The following RABL6 variants were observed in gnomAD, a reference collection of about 807,000 sequenced individuals.
RABL6 encodes rab-like protein 6.
RABL6 carries 28 observed loss-of-function variants against 72.9 expected under a neutral mutation model. The observed-to-expected ratio is 0.38, with a 90% confidence interval of 0.28 to 0.53. The LOEUF (loss-of-function observed/expected upper bound fraction) is 0.53. Ranked by LOEUF, RABL6 falls within the 20% of genes least tolerant of loss-of-function variation. The probability of loss-of-function intolerance (pLI) is 0.80; values close to 1 mark genes in which losing one functional copy is unlikely to be tolerated. For synonymous variants in RABL6, 477 were observed against 421.2 expected (o/e 1.13, Z -1.62); for missense variants, 1,029 against 1,008.4 (o/e 1.02, Z -0.28).
chr9:136,820,337 C>G lies in RABL6; in HGVS notation c.131-3188C>G, dbSNP rs146854408. Among the ~76,000 whole-genome samples, 126 of 152,184 alleles carry G rather than the reference C, an allele frequency of 8.3e-4. 1 individual carries two copies. The highest frequency in any genetic ancestry group is 2.9e-3 in the African/African-American group (120 of 41,530). On this transcript the variant is annotated intron_variant, in intron 1 of 14. Coordinates refer to ENST00000311502, the MANE Select transcript of RABL6 (RefSeq NM_024718.5). ...CTAGGATGGTGCCACTGTGCTGGCT[C>G]TAGCCTGGGTGACAGTGAGACCCTG...
rs1054324019 is a variant in RABL6 at position 136,826,012 on chromosome 9, G to A, written c.313+186G>A. On this transcript the variant is annotated intron_variant, in intron 3 of 14. Transcript: ENST00000311502. The surrounding 1 kb of genome is among the most constrained non-coding windows in gnomAD (Gnocchi z 4.9). ...CGCAGCGTGGCGCAGCCCCTCCTGT[G>A]GCACTGCATGCTTTGCTGCTTTAGC... Among the ~76,000 whole-genome samples, 1 of 152,212 alleles carries A rather than the reference G, an allele frequency of 6.6e-6. No homozygotes were observed. Among genetic ancestry groups the A allele is most frequent in the African/African-American group, 2.4e-5 (1 of 41,446 alleles).
At chr9:136,809,367 C>T in intron 1 of RABL6, 2 of 214,180 alleles carry the variant, frequency 9.3e-6, no homozygotes, top group Non-Finnish European at 1.1e-5. Flanking sequence ...CTTAGTCCCC[C>T]GGCCTGTGAG....
In RABL6 at chr9:136,834,263, A is replaced by T. The variant is rs1420300830; in HGVS notation, c.706-1479A>T. On this transcript the variant is annotated intron_variant, in intron 7 of 14. Transcript: ENST00000311502. ...ACCGTAGTACCTAATGTAATACCGC[A>T]TGTTAAACTCACAGAAGGTTTTTCT... is the stretch of plus-strand genomic sequence containing the variant. 3 of 1,094,670 alleles carry T rather than the reference A, an allele frequency of 2.7e-6. No homozygotes were observed. In the African/African-American group the frequency reaches 4.9e-5, roughly 18 times the overall value. The allele number at this position is 1,094,670 out of a possible 1,614,324, so 67.8% of individuals were successfully genotyped here.
chr9:136,835,856 G>A lies in RABL6; in HGVS notation c.809+11G>A, dbSNP rs546908415. On this transcript the variant is annotated intron_variant, in intron 8 of 14. Coordinates refer to ENST00000311502, the MANE Select transcript of RABL6 (RefSeq NM_024718.5). ...CCAGAACTACGGCATGTATGTGGCCGGACCCGCCCGTGCGGGCGGTGTGGG... is the reference window on the plus strand; with the variant it reads ...CCAGAACTACGGCATGTATGTGGCCAGACCCGCCCGTGCGGGCGGTGTGGG... 191 of 1,549,688 alleles carry A rather than the reference G, an allele frequency of 1.2e-4. 1 individual carries two copies. Among genetic ancestry groups the A allele is most frequent in the Non-Finnish European group, 1.5e-4 (170 of 1,147,342 alleles).
At position 136,826,835 on chromosome 9, in the gene RABL6, C is replaced by G. The variant is rs941975213; in HGVS notation, c.313+1009C>G. On this transcript the variant is annotated intron_variant, in intron 3 of 14. Coordinates refer to ENST00000311502, the MANE Select transcript of RABL6 (RefSeq NM_024718.5). The surrounding 1 kb of genome is among the most constrained non-coding windows in gnomAD (Gnocchi z 4.9). ...AGGGCCGTCCTGACCCCCATCCTGG[C>G]CCCTTTCGGAGCTGCAGAGATTTCC... 6.6e-6 allele frequency: 1 copy of G among 152,312 alleles called. No individual in the cohort carries two copies. The highest frequency in any genetic ancestry group is 6.5e-5 in the Admixed American group (1 of 15,278). 9.4% of individuals were successfully genotyped at this position (152,312 alleles called of 1,614,324 possible).
Position 136,839,090 on chromosome 9 carries a change from C to A in RABL6, c.1462C>A (p.Pro488Thr), listed in dbSNP as rs751026379. 2.1e-5 allele frequency: 34 copies of A among 1,612,238 alleles called. No individual in the cohort carries two copies. Among genetic ancestry groups the A allele is most frequent in the Middle Eastern group, 1.7e-4 (1 of 5,874 alleles). Residue 488 changes from proline to threonine, a missense_variant, in exon 11 of 15, where the codon CCC (proline) becomes ACC (threonine). Physicochemically the swap from Pro to Thr is conservative, Grantham distance 38 (BLOSUM62 -1). This residue lies in a region of RABL6 where 595 missense variants were observed against 472.4 expected (regional missense o/e 1.26). Transcript: ENST00000311502. The part of the protein sequence containing the change: ...AAPTKGPAPA[P>T]QQCSEPETKW... ...TCCCACAAAAGGCCCTGCCCCAGCT[C>A]CCCAGCAGTGCTCAGAGCCAGAGAC...
intron 7 of RABL6, 121 bp from the exon 8 acceptor site, chr9:136,835,621 C>T (rs916827498): frequency 1.5e-5 from 12 of 819,302 alleles, no homozygotes; most frequent in Non-Finnish European, 2.1e-5. Flanking sequence ...GAGCAGCCAG[C>T]CCTGCAGCAT....
rs767461239 is a variant in RABL6, at chr9:136,837,245, T to A, written c.810-101T>A. The A allele has an allele frequency of 1.9e-5, 26 of 1,342,376 alleles. No homozygotes were observed. The Admixed American group carries it at 4.9e-4, about 25-fold the overall frequency. The allele number at this position is 1,342,376 out of a possible 1,614,324, so 83.2% of individuals were successfully genotyped here. A position where few individuals can be genotyped will look rare whatever the true frequency, so the allele number is the denominator to read the frequency against. Reference sequence around the variant, plus strand: ...GGCGGGTGGCCCAGAACACAGTGGCTCTTCCCAGCCCCAGCAGCAGCAGCA... The same window carrying A: ...GGCGGGTGGCCCAGAACACAGTGGCACTTCCCAGCCCCAGCAGCAGCAGCA... On this transcript the variant is annotated intron_variant, in intron 8 of 14. Coordinates refer to ENST00000311502, the MANE Select transcript of RABL6 (RefSeq NM_024718.5).
At chr9:136,813,924 A>G in intron 1 of RABL6, 1 of 345,584 alleles carries the variant, frequency 2.9e-6, no homozygotes, top group Non-Finnish European at 5.7e-6. Flanking sequence ...CGCCCAGCCA[A>G]AACACTTGTA....
At chr9:136,808,365 C>G (rs771884652) in intron 1 of RABL6, 39 bp downstream of exon 1, 2 of 1,451,732 alleles carry the variant, frequency 1.4e-6, no homozygotes, top group East Asian at 3.0e-5. Flanking sequence ...GAGCGCCGCG[C>G]GGGTCTCCGA....
At chr9:136,833,595 C>A (rs1438855306) in intron 7 of RABL6, 2 of 1,365,776 alleles carry the variant, frequency 1.5e-6, no homozygotes, top group African/African-American at 2.9e-5. Flanking sequence ...GGACCTGAAC[C>A]TCCTCGCCCT....
chr9:136,821,372 C>G, intron 1 of RABL6: 1 of 985,492 alleles, frequency 1.0e-6, no homozygotes, highest in African/African-American at 1.7e-5. Flanking sequence ...CATGTGGAAA[C>G]CACCGGGAAG....
rs540827739 is a variant in RABL6 at position 136,808,645 on chromosome 9, T to G, written c.130+319T>G. ...CCCGGCTGCCCGGCCCGGGGGTGATTACATAATGCCAAGCAGGGCCCGCCG... is the reference window on the plus strand; with the variant it reads ...CCCGGCTGCCCGGCCCGGGGGTGATGACATAATGCCAAGCAGGGCCCGCCG... On this transcript the variant is annotated intron_variant, in intron 1 of 14. Transcript: ENST00000311502. 2.9e-3 allele frequency: 460 copies of G among 157,430 alleles called. 1 individual carries two copies. The highest frequency in any genetic ancestry group is 0.011 in the African/African-American group (444 of 40,914). The allele number at this position is 157,430 out of a possible 1,614,324, so 9.8% of individuals were successfully genotyped here.
At chr9:136,835,405 T>G in intron 7 of RABL6, 2 of 206,506 alleles carry the variant, frequency 9.7e-6, no homozygotes, top group Non-Finnish European at 9.8e-6. Flanking sequence ...CAGAGGGGCT[T>G]TGTTTCCCAG....
chr9:136,808,695 C>G (rs1012805073), intron 1 of RABL6: 2 of 153,184 alleles, frequency 1.3e-5, no homozygotes, highest in African/African-American at 2.4e-5. Flanking sequence ...GCCCCCGACG[C>G]TCCACGGTGC....
intron 6 of RABL6, 29 bp downstream of exon 6, chr9:136,831,890 A>G (rs753396717): frequency 6.3e-7 from 1 of 1,589,086 alleles, no homozygotes; most frequent in Admixed American, 1.7e-5. Flanking sequence ...CTCCCGAGGG[A>G]CCCTGCCCGG....
intron 1 of RABL6, among the ~76,000 whole-genome samples, chr9:136,818,362 C>CAAAAAAAAA (rs1564360781): frequency 2.7e-4 from 4 of 15,006 alleles, no homozygotes; most frequent in Admixed American, 1.3e-3. Flanking sequence ...GACTCTGTCT[C>CAAAAAAAAA]AAAAAAAAAA....
At chr9:136,822,234 GAC>G (rs902600278) in intron 1 of RABL6, among the ~76,000 whole-genome samples, 4 of 152,200 alleles carry the variant, frequency 2.6e-5, no homozygotes, top group African/African-American at 7.2e-5. Context: ...CTGCAGACCT[GAC>G]ACAGATGGGG....
At chr9:136,814,746 G>T in intron 1 of RABL6, 1 of 149,670 alleles carries the variant, frequency 6.7e-6, no homozygotes, top group African/African-American at 2.5e-5. Context: ...GTGAGACCCT[G>T]TCTTAAAAAA....
Sources: allele counts gnomAD v4.1 joint callset (sites outside exome capture counted in the v4.1 genomes callset), GRCh38; gene constraint gnomAD v4.1.1; regional missense constraint gnomAD v4.1.1; non-coding constraint Gnocchi (gnomAD v3.1); transcripts MANE v1.5; gene names NCBI Gene and HGNC (gene_info 2026-07-23, HGNC 2026-07-21).